SPPL2A: variants seen among roughly 807,000 people sequenced by gnomAD.
SPPL2A encodes the protein signal peptide peptidase like 2A, also known as signal peptide peptidase-like 2A.
A neutral mutation model predicts 63.8 loss-of-function variants in SPPL2A; 51 were observed. The observed-to-expected ratio is 0.80, with a 90% CI of 0.64 to 1.01. The LOEUF is 1.01. Ranked by LOEUF, SPPL2A falls within the 50% of genes least tolerant of loss-of-function variation. The pLI is 0.00. For missense variants in SPPL2A, 553 were observed against 622.7 expected (o/e 0.89, Z 1.19); for synonymous variants, 188 against 205.8 (o/e 0.91, Z 0.74).
At chr15:50,756,985 A>T (rs1458869293) in intron 1 of SPPL2A, among the ~76,000 whole-genome samples, 1 of 152,010 alleles carries the variant, frequency 6.6e-6, no homozygotes, top group Non-Finnish European at 1.5e-5. Context: ...ATTTCTCTGC[A>T]TTCGCTGTTA....
chr15:50,705,439 A>G lies in SPPL2A; in HGVS notation c.*2361T>C, dbSNP rs1008859288. 1.3e-5 allele frequency: 2 copies of G among 152,190 alleles called. No homozygotes were observed. Among genetic ancestry groups the G allele is most frequent in the African/African-American group, 4.8e-5 (2 of 41,450 alleles). 9.4% of individuals were successfully genotyped at this position (152,190 alleles called of 1,614,324 possible). On this transcript the variant is annotated 3_prime_UTR_variant, in exon 15 of 15. Coordinates refer to ENST00000261854, the MANE Select transcript of SPPL2A (RefSeq NM_032802.4). The stretch of plus-strand genomic sequence containing the variant: ...AAATGTGATTAAGGCTATTAAATAT[A>G]AAGCTTGGATGAGGGTGCAGATAAT...
At chr15:50,708,261 G>C (rs561980874) in intron 14 of SPPL2A, among the ~76,000 whole-genome samples, 1 of 152,328 alleles carries the variant, frequency 6.6e-6, no homozygotes, top group South Asian at 2.1e-4. Flanking sequence ...ATGGCCTCAT[G>C]AGTCACTGTG....
At chr15:50,708,599 G>A (rs958778579) in intron 14 of SPPL2A, among the ~76,000 whole-genome samples, 18 of 151,496 alleles carry the variant, frequency 1.2e-4, no homozygotes, top group African/African-American at 2.7e-4. Context: ...CCAGCTACTC[G>A]GGAGGCTGAG....
At chr15:50,748,591 ACTC>A in intron 3 of SPPL2A, 94 bp downstream of exon 3, 1 of 772,178 alleles carries the variant, frequency 1.3e-6, no homozygotes, top group East Asian at 2.8e-5. Context: ...ATCATTCAAA[ACTC>A]AGCCTCTAAA....
intron 5 of SPPL2A, among the ~76,000 whole-genome samples, chr15:50,745,801 A>G (rs904304986): frequency 2.0e-5 from 3 of 152,052 alleles, no homozygotes. Context: ...CTGTAATCCC[A>G]ACACTTTGGG....
chr15:50,765,700 C>T lies in SPPL2A; in HGVS notation c.-167G>A. The stretch of plus-strand genomic sequence containing the variant: ...GCTGCTACAGCGGCCGCCACAGCAG[C>T]GCGACTTCCTCTTCCGGCCCCGCCC... On this transcript the variant is annotated 5_prime_UTR_variant, in exon 1 of 15. Transcript: ENST00000261854. 2.4e-6 allele frequency: 1 copy of T among 408,736 alleles called. No individual in the cohort carries two copies. 25.3% of individuals were successfully genotyped at this position (408,736 alleles called of 1,614,324 possible). A position where few individuals can be genotyped will look rare whatever the true frequency, so the allele number is the denominator to read the frequency against.
intron 1 of SPPL2A, among the ~76,000 whole-genome samples, chr15:50,761,183 A>T (rs1443771295): frequency 7.2e-6 from 1 of 139,040 alleles, no homozygotes; most frequent in Non-Finnish European, 1.6e-5. Context: ...CTAATTTTTT[A>T]ATTTTTTGTA....
At chr15:50,710,829 A>G (rs899408059) in intron 14 of SPPL2A, among the ~76,000 whole-genome samples, 3 of 152,140 alleles carry the variant, frequency 2.0e-5, no homozygotes, top group Non-Finnish European at 4.4e-5. Flanking sequence ...AACAGACACA[A>G]CTCACTGTTT....
chr15:50,747,341 T>C (rs1309354868), intron 5 of SPPL2A, among the ~76,000 whole-genome samples, 154 bp downstream of exon 5: 1 of 152,152 alleles, frequency 6.6e-6, no homozygotes, highest in African/African-American at 2.4e-5. Context: ...CTGGTGAAAA[T>C]GTAAATGATC....
At chr15:50,740,768 G>A (rs2062813738) in intron 5 of SPPL2A, among the ~76,000 whole-genome samples, 1 of 151,954 alleles carries the variant, frequency 6.6e-6, no homozygotes, top group Non-Finnish European at 1.5e-5. Flanking sequence ...ATGCGGTTAG[G>A]CCCGGCTAAT....
intron 12 of SPPL2A, among the ~76,000 whole-genome samples, chr15:50,724,316 C>T (rs972471820): frequency 2.0e-5 from 3 of 152,142 alleles, no homozygotes; most frequent in Non-Finnish European, 4.4e-5. Flanking sequence ...GTGGCTCACG[C>T]CTGTAATCCC....
intron 13 of SPPL2A, 93 bp from the exon 14 acceptor site, chr15:50,720,193 T>C (rs993259745): frequency 8.1e-6 from 8 of 981,748 alleles, no homozygotes; most frequent in Non-Finnish European, 1.2e-5. Flanking sequence ...TTCAAACATT[T>C]CTGAGGATAT....
intron 1 of SPPL2A, among the ~76,000 whole-genome samples, chr15:50,761,055 G>A (rs2063006673): frequency 6.6e-6 from 1 of 151,852 alleles, no homozygotes; most frequent in East Asian, 1.9e-4. Flanking sequence ...TGTCACCCAG[G>A]CTGGAGTACA....
At chr15:50,709,591 A>G (rs982824786) in intron 14 of SPPL2A, among the ~76,000 whole-genome samples, 2 of 152,074 alleles carry the variant, frequency 1.3e-5, no homozygotes, top group African/African-American at 4.8e-5. Context: ...GGAGTTCGGG[A>G]CCAGCCTGGC....
rs772638390 is a variant in SPPL2A, at chr15:50,704,670, A to C, written c.*3130T>G. ...GAGAGGAAGAGATGGCAGCTTTTTA[A>C]GTGAAATTTTAATCTTATCTATCTT... On this transcript the variant is annotated 3_prime_UTR_variant, in exon 15 of 15. Transcript: ENST00000261854. 1 of 152,130 alleles carries C rather than the reference A, an allele frequency of 6.6e-6. No homozygotes were observed. Among genetic ancestry groups the C allele is most frequent in the Non-Finnish European group, 1.5e-5 (1 of 68,010 alleles). The allele number at this position is 152,130 out of a possible 1,614,324, so 9.4% of individuals were successfully genotyped here. A position where few individuals can be genotyped will look rare whatever the true frequency, so the allele number is the denominator to read the frequency against.
chr15:50,711,820 A>G (rs1309304407), intron 14 of SPPL2A, among the ~76,000 whole-genome samples: 5 of 152,184 alleles, frequency 3.3e-5, no homozygotes, highest in African/African-American at 9.6e-5. Flanking sequence ...TTAGCCTTAG[A>G]TTGTAACTTT....
At chr15:50,747,355 A>G (rs2062865943) in intron 5 of SPPL2A, 140 bp downstream of exon 5, 2 of 692,500 alleles carry the variant, frequency 2.9e-6, no homozygotes, top group Non-Finnish European at 5.0e-6. Flanking sequence ...AATGATCTAC[A>G]TGAGGACAAA....
At chr15:50,721,013 C>T (rs999737845) in intron 13 of SPPL2A, among the ~76,000 whole-genome samples, 2 of 152,042 alleles carry the variant, frequency 1.3e-5, no homozygotes, top group Non-Finnish European at 2.9e-5. Flanking sequence ...TATGTTAAAG[C>T]CCTGGAGAGT....
At chr15:50,725,905 C>CTTT in intron 11 of SPPL2A, 2 of 301,956 alleles carry the variant, frequency 6.6e-6, no homozygotes, top group Non-Finnish European at 6.4e-6. Context: ...CACATTTAAC[C>CTTT]TTTTTTTTTT....
Sources: gnomAD v4.1 joint callset for allele counts (sites outside exome capture counted in the v4.1 genomes callset) on GRCh38, gnomAD v4.1.1 for gene constraint, MANE v1.5 for transcripts, NCBI Gene and HGNC (gene_info 2026-07-23, HGNC 2026-07-21) for gene names.